AP3B1: variants seen among roughly 807,000 people sequenced by gnomAD.
The protein encoded by AP3B1 is adaptor related protein complex 3 subunit beta 1.
In AP3B1, 61 loss-of-function variants were observed where a neutral mutation model predicts 132.5. The observed-to-expected ratio is 0.46, with a 90% CI of 0.37 to 0.57. The LOEUF is 0.57. Among genes scored for constraint, AP3B1 ranks in the 20% least tolerant of loss-of-function variants. The pLI is 0.00. For missense variants in AP3B1, 1,120 were observed against 1,289.4 expected, an observed-to-expected ratio of 0.87 and a Z score of 2.01; for synonymous variants, 388 against 438.3, an observed-to-expected ratio of 0.89 and a Z score of 1.43.
chr5:78,102,530 G>GA (rs1255792183), intron 20 of AP3B1, among the ~76,000 whole-genome samples: 6 of 151,908 alleles, frequency 3.9e-5, no homozygotes, highest in Non-Finnish European at 2.9e-5. Flanking sequence ...CTAAGATGGT[G>GA]AAAAAAATAG....
chr5:78,091,628 TA>T (rs572005885), intron 21 of AP3B1, among the ~76,000 whole-genome samples: 318 of 152,162 alleles, frequency 2.1e-3, no homozygotes, highest in African/African-American at 7.1e-3. Flanking sequence ...GAGATTTGAA[TA>T]AGAGGAAAGA....
intron 2 of AP3B1, among the ~76,000 whole-genome samples, chr5:78,262,386 G>A (rs1374774510): frequency 6.6e-6 from 1 of 151,830 alleles, no homozygotes; most frequent in Non-Finnish European, 1.5e-5. Context: ...GATCCATTTT[G>A]GTTTATTTTT....
rs369975181 is a variant in AP3B1 at position 78,067,517 on chromosome 5, G to A, written c.2577+21876C>T. Among the ~76,000 whole-genome samples, 42 of 152,242 alleles carry A rather than the reference G, an allele frequency of 2.8e-4. No homozygotes were observed. In the East Asian group the frequency reaches 4.8e-3, roughly 17 times the overall value. Reference sequence around the variant, plus strand: ...TTACTCTAAAATCGATCACATCATCGGAAGTAAAACACTCCTCAGCAAATG... The same window carrying A: ...TTACTCTAAAATCGATCACATCATCAGAAGTAAAACACTCCTCAGCAAATG... On this transcript the variant is annotated intron_variant, in intron 22 of 26. Transcript: ENST00000255194.
At chr5:78,146,600 T>C (rs1753407045) in intron 14 of AP3B1, among the ~76,000 whole-genome samples, 1 of 152,196 alleles carries the variant, frequency 6.6e-6, no homozygotes, top group African/African-American at 2.4e-5. Context: ...ATTTAACATG[T>C]ACTTTTCAAC....
At chr5:78,009,815 T>C (rs1370719623) in intron 26 of AP3B1, among the ~76,000 whole-genome samples, 2 of 152,106 alleles carry the variant, frequency 1.3e-5, no homozygotes, top group Non-Finnish European at 2.9e-5. Context: ...ATATCAGTAG[T>C]GAATACAAGT....
intron 24 of AP3B1, among the ~76,000 whole-genome samples, chr5:78,030,956 G>A (rs947262726): frequency 6.6e-6 from 1 of 152,118 alleles, no homozygotes; most frequent in Non-Finnish European, 1.5e-5. Flanking sequence ...CTAGGGTTAT[G>A]GATGTAAGCC....
intron 20 of AP3B1, among the ~76,000 whole-genome samples, chr5:78,103,994 G>A (rs1355341721): frequency 1.3e-5 from 2 of 152,052 alleles, no homozygotes; most frequent in Non-Finnish European, 2.9e-5. Flanking sequence ...GATCTGACAT[G>A]ACAAGCATCA....
intron 20 of AP3B1, among the ~76,000 whole-genome samples, chr5:78,102,063 T>C (rs1199072813): frequency 6.6e-6 from 1 of 152,130 alleles, no homozygotes; most frequent in Non-Finnish European, 1.5e-5. Context: ...AAGATAGATA[T>C]AGTCCTGCCT....
chr5:78,111,100 T>C (rs924456435), intron 19 of AP3B1, among the ~76,000 whole-genome samples: 1 of 152,152 alleles, frequency 6.6e-6, no homozygotes, highest in Non-Finnish European at 1.5e-5. Context: ...TCTGCTAAAA[T>C]AGACTTGTAT....
rs560008938 is a variant in AP3B1 at position 78,110,144 on chromosome 5, T to C, written c.2397+63A>G. On this transcript the variant is annotated intron_variant, in intron 20 of 26. Transcript: ENST00000255194. Reference sequence around the variant, plus strand: ...ATCACAGGAGTAGATGAGGATGGTGTTGTCTATTTTAGTTGCTATAAGAAT... The same window carrying C: ...ATCACAGGAGTAGATGAGGATGGTGCTGTCTATTTTAGTTGCTATAAGAAT... 2.1e-5 allele frequency: 29 copies of C among 1,396,420 alleles called. No homozygotes were observed. The African/African-American group carries it at 4.0e-4, about 19-fold the overall frequency. 86.5% of individuals were successfully genotyped at this position (1,396,420 alleles called of 1,614,324 possible).
intron 26 of AP3B1, among the ~76,000 whole-genome samples, chr5:78,009,121 G>A (rs573412321): frequency 6.6e-6 from 1 of 152,188 alleles, no homozygotes; most frequent in South Asian, 2.1e-4. Context: ...AAACAGGTAT[G>A]CAATAACAGT....
chr5:78,253,850 C>T (rs1031538276), intron 2 of AP3B1, among the ~76,000 whole-genome samples: 2 of 151,198 alleles, frequency 1.3e-5, no homozygotes, highest in Non-Finnish European at 2.9e-5. Flanking sequence ...ACCTGTAGTC[C>T]CAACTACTTG....
chr5:78,283,905 A>G (rs77516919), intron 1 of AP3B1, among the ~76,000 whole-genome samples: 4,683 of 152,232 alleles, frequency 0.031, 123 homozygotes, highest in East Asian at 0.14. Flanking sequence ...ATAAAATCCT[A>G]ATTTCTGAGC....
intron 22 of AP3B1, among the ~76,000 whole-genome samples, chr5:78,065,481 C>T (rs1011232254): frequency 6.6e-6 from 1 of 152,122 alleles, no homozygotes; most frequent in Non-Finnish European, 1.5e-5. Context: ...CTGCCAGTGC[C>T]GGGGAGACTG....
intron 11 of AP3B1, 133 bp downstream of exon 11, chr5:78,175,493 T>C (rs1384204455): frequency 1.4e-5 from 10 of 696,086 alleles, no homozygotes; most frequent in South Asian, 1.7e-5. Context: ...GATTGAAAAG[T>C]ATAAAGAAAA....
intron 2 of AP3B1, among the ~76,000 whole-genome samples, chr5:78,261,309 A>T (rs932100642): frequency 6.6e-6 from 1 of 152,216 alleles, no homozygotes; most frequent in African/African-American, 2.4e-5. Context: ...CTAATGGTGT[A>T]AAGTGATCTT....
chr5:78,056,837 A>T (rs1561378614), intron 22 of AP3B1, among the ~76,000 whole-genome samples: 3 of 152,200 alleles, frequency 2.0e-5, no homozygotes, highest in Non-Finnish European at 4.4e-5. Flanking sequence ...AGCCTTTTAA[A>T]TAATAGTCCT....
intron 3 of AP3B1, among the ~76,000 whole-genome samples, chr5:78,237,171 C>G (rs1746912255): frequency 6.6e-6 from 1 of 152,108 alleles, no homozygotes; most frequent in African/African-American, 2.4e-5. Context: ...ATTCATCTAT[C>G]TGAAATACAG....
chr5:78,274,699 G>A (rs760436114), intron 1 of AP3B1, among the ~76,000 whole-genome samples: 1 of 152,098 alleles, frequency 6.6e-6, no homozygotes, highest in Admixed American at 6.6e-5. Flanking sequence ...CAAGAGGATT[G>A]CTTAAGGCCA....
Sources: gnomAD v4.1 joint callset for allele counts (sites outside exome capture counted in the v4.1 genomes callset) on GRCh38, gnomAD v4.1.1 for gene constraint, MANE v1.5 for transcripts, NCBI Gene and HGNC (gene_info 2026-07-23, HGNC 2026-07-21) for gene names.